Variants in NDUFAF7 observed in about 807,000 individuals in gnomAD.
NDUFAF7 encodes the protein NADH:ubiquinone oxidoreductase complex assembly factor 7.
A neutral mutation model predicts 47.2 loss-of-function variants in NDUFAF7; 48 were observed. The observed-to-expected ratio is 1.02, with a 90% CI of 0.81 to 1.29. The LOEUF is 1.29. NDUFAF7 is among the 50% of genes most tolerant of loss of function. NDUFAF7 has a pLI of 0.00. For missense variants in NDUFAF7, 635 were observed against 537.6 expected, an observed-to-expected ratio of 1.18 and a Z score of -1.79; for synonymous variants, 217 against 190.0, an observed-to-expected ratio of 1.14 and a Z score of -1.17.
chr2:37,270,147 A>C, the NDUFAF7 span, among the ~76,000 whole-genome samples: 3 of 152,196 alleles, frequency 2.0e-5, no homozygotes, highest in Non-Finnish European at 2.9e-5. Flanking sequence ...GAATCGCTTG[A>C]ACCCAGGAGG....
downstream of NDUFAF7, among the ~76,000 whole-genome samples, chr2:37,255,976 C>T (rs1395269734): frequency 6.6e-6 from 1 of 152,076 alleles, no homozygotes; most frequent in Non-Finnish European, 1.5e-5. Context: ...TTTGTGCACA[C>T]TTCAGCCTGG....
At chr2:37,234,362 G>A (rs1665525685) in intron 2 of NDUFAF7, among the ~76,000 whole-genome samples, 1 of 152,148 alleles carries the variant, frequency 6.6e-6, no homozygotes, top group Non-Finnish European at 1.5e-5. Flanking sequence ...AAAGTGTTGG[G>A]ATTACAGGTG....
intron 5 of NDUFAF7, chr2:37,242,356 A>G (rs1017753437): frequency 1.9e-5 from 6 of 309,002 alleles, no homozygotes; most frequent in Non-Finnish European, 3.6e-5. Flanking sequence ...ATTCCCTTCC[A>G]GCTAACAACT....
the NDUFAF7 span, among the ~76,000 whole-genome samples, chr2:37,258,744 A>G: frequency 2.0e-5 from 3 of 152,238 alleles, no homozygotes; most frequent in African/African-American, 7.2e-5. Flanking sequence ...CTACTTTAAA[A>G]GCTGAACGAT....
At chr2:37,232,327 G>A (rs1169787952) in intron 2 of NDUFAF7, 61 bp downstream of exon 2, 2 of 1,600,592 alleles carry the variant, frequency 1.2e-6, no homozygotes, top group African/African-American at 1.3e-5. Context: ...GTGCAAGCCA[G>A]GAGGGAGAAG....
chr2:37,256,523 A>T, downstream of NDUFAF7: 1 of 1,131,876 alleles, frequency 8.8e-7, no homozygotes, highest in Non-Finnish European at 1.2e-6. Context: ...ACTGGTAACT[A>T]GTTGAATTTG....
At chr2:37,254,641 A>G (rs1667790591), downstream of NDUFAF7, among the ~76,000 whole-genome samples, 1 of 152,216 alleles carries the variant, frequency 6.6e-6, no homozygotes, top group Admixed American at 6.5e-5. Flanking sequence ...AGTTGCTGAC[A>G]TATGTTAAGG....
the NDUFAF7 span, chr2:37,269,323 T>C: frequency 2.7e-6 from 1 of 369,194 alleles, no homozygotes; most frequent in Non-Finnish European, 5.1e-6. Flanking sequence ...CAACATAAAC[T>C]TCAAACCATC....
the NDUFAF7 span, chr2:37,269,031 G>T: frequency 0.01 from 1,608 of 153,654 alleles, 14 homozygotes; most frequent in Middle Eastern, 0.017. Context: ...GGATAACAAG[G>T]GTTTAACATT....
Position 37,243,945 on chromosome 2 carries a change from C to A in NDUFAF7, c.764C>A (p.Ser255Tyr). The change falls in exon 7 of 10, where the codon TCT (serine) becomes TAT (tyrosine). Residue 255 changes from serine (S) to tyrosine (Y), a missense_variant. Transcript: ENST00000002125. ...AAACTGAGGTTTGTTTTGGCACCTTCTGCCACCCCAGCAGAAGCCTTCATA... is the reference window on the plus strand; with the variant it reads ...AAACTGAGGTTTGTTTTGGCACCTTATGCCACCCCAGCAGAAGCCTTCATA... Reference protein sequence around the residue: ...SDKLRFVLAPSATPAEAFIQH... With the variant: ...SDKLRFVLAPYATPAEAFIQH... 6.2e-7 allele frequency: 1 copy of A among 1,613,532 alleles called. No individual in the cohort carries two copies. Among genetic ancestry groups the A allele is most frequent in the Non-Finnish European group, 8.5e-7 (1 of 1,179,538 alleles).
At chr2:37,246,953 T>C (rs962420394) in intron 8 of NDUFAF7, among the ~76,000 whole-genome samples, 1 of 152,120 alleles carries the variant, frequency 6.6e-6, no homozygotes, top group African/African-American at 2.4e-5. Flanking sequence ...CATGGGTATA[T>C]TGCATTGACT....
rs538023279 is a variant in NDUFAF7 at position 37,232,910 on chromosome 2, G to C, written c.216+644G>C. 2.0e-5 allele frequency among the ~76,000 whole-genome samples: 3 copies of C among 152,286 alleles called. No homozygotes were observed. The South Asian group carries it at 6.2e-4, about 32-fold the overall frequency. ...TTTTAGAATATTTCATCTTTTGCTG[G>C]GTTGAAATATGACCTCTGTGGAATT... On this transcript the variant is annotated intron_variant, in intron 2 of 9. Transcript: ENST00000002125.
chr2:37,242,512 G>A (rs766227436), intron 5 of NDUFAF7, 123 bp from the exon 6 acceptor site: 2 of 720,458 alleles, frequency 2.8e-6, no homozygotes, highest in Non-Finnish European at 4.9e-6. Context: ...TCCATGAAGA[G>A]GTAGATAATT....
chr2:37,232,108 A>C lies in NDUFAF7; in HGVS notation c.58A>C (p.Ile20Leu). 6.2e-7 allele frequency: 1 copy of C among 1,614,236 alleles called. No individual in the cohort carries two copies. Among genetic ancestry groups the C allele is most frequent in the Non-Finnish European group, 8.5e-7 (1 of 1,180,050 alleles). Residue 20 changes from isoleucine to leucine, a missense_variant and splice_region_variant, in exon 2 of 10, where the codon ATT (isoleucine) becomes CTT (leucine). Physicochemically the swap from Ile to Leu is conservative, Grantham distance 5 (BLOSUM62 2). Transcript: ENST00000002125. Reference protein sequence around the residue: ...GPLCAVARAAIPFIWRGKYFS... With the variant: ...GPLCAVARAALPFIWRGKYFS... ...TGTTTAATTTGTGTTTTTCGCAGCC[A>C]TTCCTTTTATTTGGAGAGGGAAATA... is the stretch of plus-strand genomic sequence containing the variant.
the NDUFAF7 span, chr2:37,259,833 C>T: frequency 1.2e-5 from 7 of 604,684 alleles, no homozygotes; most frequent in East Asian, 2.0e-4. Context: ...TAACAATTCC[C>T]ACAATCACCC....
At chr2:37,238,265 A>C (rs1423859269) in intron 4 of NDUFAF7, among the ~76,000 whole-genome samples, 16 of 152,094 alleles carry the variant, frequency 1.1e-4, no homozygotes, top group South Asian at 6.2e-4. Flanking sequence ...CCCCGTCTCT[A>C]GTAAAAATAC....
chr2:37,252,129 AAAT>A (rs1436803045), downstream of NDUFAF7: 1 of 152,208 alleles, frequency 6.6e-6, no homozygotes, highest in African/African-American at 2.4e-5. Flanking sequence ...AAACTGCTTA[AAAT>A]AATTGACTTT....
chr2:37,237,416 CATATGA>C (rs1359008518), intron 3 of NDUFAF7, among the ~76,000 whole-genome samples: 1 of 152,224 alleles, frequency 6.6e-6, no homozygotes, highest in African/African-American at 2.4e-5. Context: ...TTGTTTAAAT[CATATGA>C]ATATGAAGAA....
chr2:37,254,697 T>C (rs963245405), downstream of NDUFAF7, among the ~76,000 whole-genome samples: 3 of 152,194 alleles, frequency 2.0e-5, no homozygotes, highest in African/African-American at 7.2e-5. Flanking sequence ...TTAACTATTA[T>C]TATTTGAAGA....
Sources: gnomAD v4.1 joint callset for allele counts (sites outside exome capture counted in the v4.1 genomes callset) on GRCh38, gnomAD v4.1.1 for gene constraint, MANE v1.5 for transcripts, NCBI Gene and HGNC (gene_info 2026-07-23, HGNC 2026-07-21) for gene names.